FREM1: variants seen among roughly 807,000 people sequenced by gnomAD.
The protein encoded by FREM1 is FRAS1 related extracellular matrix 1, also known as FRAS1-related extracellular matrix protein 1.
A neutral mutation model predicts 210.1 loss-of-function variants in FREM1; 220 were observed. The observed-to-expected ratio is 1.05, with a 90% CI of 0.94 to 1.17. The LOEUF is 1.17. Ranked by LOEUF, FREM1 falls within the 50% of genes most tolerant of loss-of-function variation. The probability of loss-of-function intolerance (pLI) is 0.00; values close to 1 mark genes in which losing one functional copy is unlikely to be tolerated. For synonymous variants in FREM1, 1,189 were observed against 980.2 expected, an observed-to-expected ratio of 1.21 and a Z score of -3.98; for missense variants, 3,454 against 2,675.5, an observed-to-expected ratio of 1.29 and a Z score of -6.42.
At chr9:14,856,017 C>T (rs572737260) in intron 5 of FREM1, among the ~76,000 whole-genome samples, 2 of 151,910 alleles carry the variant, frequency 1.3e-5, no homozygotes, top group South Asian at 4.2e-4. Context: ...GGGGCCACCA[C>T]TATAAAATAG....
intron 2 of FREM1, 87 bp from the exon 3 acceptor site, chr9:14,863,990 A>G (rs569365372): frequency 1.0e-5 from 8 of 795,224 alleles, no homozygotes; most frequent in Non-Finnish European, 1.7e-5. Flanking sequence ...GCCTGGAGAA[A>G]ATATGCTCTG....
At chr9:14,762,103 G>A (rs553888214) in intron 27 of FREM1, among the ~76,000 whole-genome samples, 2 of 151,904 alleles carry the variant, frequency 1.3e-5, no homozygotes, top group East Asian at 1.9e-4. Flanking sequence ...TGTGCCTAAA[G>A]AATTACAAGA....
chr9:14,886,001 C>T (rs1335853081), intron 1 of FREM1, among the ~76,000 whole-genome samples: 2 of 152,178 alleles, frequency 1.3e-5, no homozygotes, highest in African/African-American at 4.8e-5. Context: ...GTCCTCCCTC[C>T]TCCCCAGCCC....
intron 5 of FREM1, among the ~76,000 whole-genome samples, chr9:14,854,117 C>T (rs144719375): frequency 7.2e-5 from 11 of 152,092 alleles, no homozygotes; most frequent in African/African-American, 1.2e-4. Flanking sequence ...ATTTTTTCAC[C>T]GTACATATTA....
chr9:14,758,279 C>A (rs1844800271), intron 28 of FREM1, among the ~76,000 whole-genome samples: 1 of 152,194 alleles, frequency 6.6e-6, no homozygotes, highest in Admixed American at 6.5e-5. Flanking sequence ...CATAAATAAG[C>A]ATAAGGTTCC....
intron 29 of FREM1, among the ~76,000 whole-genome samples, chr9:14,755,066 G>A (rs1844063861): frequency 6.6e-6 from 1 of 152,186 alleles, no homozygotes; most frequent in African/African-American, 2.4e-5. Flanking sequence ...CCAGCCACCG[G>A]AAGCATGGAA....
intron 20 of FREM1, among the ~76,000 whole-genome samples, chr9:14,801,361 G>T (rs1181516802): frequency 6.6e-6 from 1 of 152,058 alleles, no homozygotes; most frequent in Non-Finnish European, 1.5e-5. Context: ...TCATTTTTTT[G>T]ATTGGTGAGA....
At chr9:14,878,904 C>A (rs1335395008) in intron 1 of FREM1, among the ~76,000 whole-genome samples, 1 of 152,032 alleles carries the variant, frequency 6.6e-6, no homozygotes, top group East Asian at 1.9e-4. Flanking sequence ...ACCTGCAATT[C>A]CAGTACTTGG....
At chr9:14,828,541 T>C (rs1822904316) in intron 10 of FREM1, among the ~76,000 whole-genome samples, 1 of 151,710 alleles carries the variant, frequency 6.6e-6, no homozygotes, top group Admixed American at 6.6e-5. Flanking sequence ...GATGTTAGAC[T>C]TTATTTTTTT....
intron 25 of FREM1, among the ~76,000 whole-genome samples, chr9:14,774,462 T>C (rs1324451614): frequency 6.6e-6 from 1 of 151,302 alleles, no homozygotes; most frequent in African/African-American, 2.4e-5. Flanking sequence ...ATTTCGGACA[T>C]GCCAGGCCCT....
At chr9:14,837,223 C>G (rs1439224699) in intron 10 of FREM1, among the ~76,000 whole-genome samples, 1 of 152,144 alleles carries the variant, frequency 6.6e-6, no homozygotes, top group Non-Finnish European at 1.5e-5. Flanking sequence ...GAATGACATG[C>G]CTGGTCAAAC....
intron 35 of FREM1, among the ~76,000 whole-genome samples, chr9:14,743,693 A>G (rs1194768221): frequency 6.6e-6 from 1 of 152,128 alleles, no homozygotes; most frequent in East Asian, 1.9e-4. Context: ...AGTTCTGTTC[A>G]TCTACATTTT....
At chr9:14,781,356 ATTGT>A (rs1767597481) in intron 24 of FREM1, among the ~76,000 whole-genome samples, 1 of 152,132 alleles carries the variant, frequency 6.6e-6, no homozygotes, top group African/African-American at 2.4e-5. Flanking sequence ...TTCAGCCTTT[ATTGT>A]TTATTTTCTC....
intron 5 of FREM1, among the ~76,000 whole-genome samples, chr9:14,852,827 G>A (rs1278817228): frequency 2.0e-5 from 3 of 152,236 alleles, no homozygotes; most frequent in Non-Finnish European, 4.4e-5. Flanking sequence ...ATTGGGCTAG[G>A]AGTTGTAATC....
chr9:14,814,341 G>A (rs1044976583), intron 15 of FREM1, among the ~76,000 whole-genome samples: 1 of 152,082 alleles, frequency 6.6e-6, no homozygotes, highest in African/African-American at 2.4e-5. Flanking sequence ...TGTTTGTCTT[G>A]TTCATCATCA....
At chr9:14,792,286 A>ACG (rs1851534524) in intron 22 of FREM1, among the ~76,000 whole-genome samples, 1 of 142,960 alleles carries the variant, frequency 7.0e-6, no homozygotes. Flanking sequence ...ACACACACAC[A>ACG]CACACACACA....
intron 3 of FREM1, among the ~76,000 whole-genome samples, chr9:14,860,875 G>GTATATATATACGTA (rs1491245202): frequency 1.6e-4 from 5 of 30,748 alleles, no homozygotes; most frequent in African/African-American, 3.8e-4. Context: ...ATATATATAC[G>GTATATATATACGTA]TATATATACA....
intron 1 of FREM1, among the ~76,000 whole-genome samples, chr9:14,897,347 T>C (rs1474033471): frequency 2.0e-5 from 3 of 152,128 alleles, no homozygotes; most frequent in East Asian, 3.9e-4. Context: ...AGAAGACAGC[T>C]TGGGGAGCCC....
chr9:14,759,958 T>C, intron 27 of FREM1, 57 bp from the exon 28 acceptor site: 1 of 1,447,264 alleles, frequency 6.9e-7, no homozygotes, highest in Non-Finnish European at 9.4e-7. Flanking sequence ...CCTATAGGGA[T>C]TCTCTGCTGA....
Sources: allele counts gnomAD v4.1 joint callset (sites outside exome capture counted in the v4.1 genomes callset), GRCh38; gene constraint gnomAD v4.1.1; transcripts MANE v1.5; gene names NCBI Gene and HGNC (gene_info 2026-07-23, HGNC 2026-07-21).